The following NRXN1 variants were observed in gnomAD, a reference collection of about 807,000 sequenced individuals.
NRXN1 encodes the protein neurexin-1.
In NRXN1, 39 loss-of-function variants were observed where a neutral mutation model predicts 150.9. The observed-to-expected ratio is 0.26, with a 90% CI of 0.20 to 0.34. NRXN1 has a LOEUF of 0.34. Among genes scored for constraint, NRXN1 ranks in the 10% least tolerant of loss-of-function variants. NRXN1 has a pLI of 1.00. For synonymous variants in NRXN1, 924 were observed against 757.0 expected, an observed-to-expected ratio of 1.22 and a Z score of -3.62; for missense variants, 1,815 against 1,949.9, an observed-to-expected ratio of 0.93 and a Z score of 1.30.
rs1381711323 is a variant in NRXN1 at position 49,919,292 on chromosome 2, T to C, written c.*2652A>G. 1 of 152,202 alleles carries C rather than the reference T, an allele frequency of 6.6e-6. No individual in the cohort carries two copies. Among genetic ancestry groups the C allele is most frequent in the East Asian group, 1.9e-4 (1 of 5,184 alleles). 9.4% of individuals were successfully genotyped at this position (152,202 alleles called of 1,614,324 possible). A position where few individuals can be genotyped will look rare whatever the true frequency, so the allele number is the denominator to read the frequency against. On this transcript the variant is annotated 3_prime_UTR_variant, in exon 23 of 23. Coordinates refer to ENST00000401669, the MANE Select transcript of NRXN1 (RefSeq NM_001330078.2). ...TTCTAACTCTGTTCCTCTCTTTTCT[T>C]TTTCCATTGAGGAAAAAATAATTTT...
chr2:50,402,419 T>C (rs938629177), intron 17 of NRXN1, among the ~76,000 whole-genome samples: 2 of 152,084 alleles, frequency 1.3e-5, no homozygotes, highest in Non-Finnish European at 2.9e-5. Flanking sequence ...TTTCCAATGA[T>C]GAATATCATC....
intron 21 of NRXN1, among the ~76,000 whole-genome samples, chr2:49,950,294 C>G (rs746678157): frequency 2.6e-5 from 4 of 151,922 alleles, no homozygotes; most frequent in Non-Finnish European, 5.9e-5. Context: ...AGATCTTATT[C>G]TTGTTTCCAC....
chr2:50,204,025 G>T (rs1011451678), intron 18 of NRXN1, among the ~76,000 whole-genome samples: 11 of 151,998 alleles, frequency 7.2e-5, no homozygotes, highest in African/African-American at 2.2e-4. Context: ...AACTTTCTAT[G>T]TATACATTAT....
At position 50,091,435 on chromosome 2, in the gene NRXN1, T is replaced by G; in HGVS notation, c.3606A>C (p.Glu1202Asp). The G allele has an allele frequency of 6.2e-7, 1 of 1,614,166 alleles. No homozygotes were observed. Among genetic ancestry groups the G allele is most frequent in the East Asian group, 2.2e-5 (1 of 44,882 alleles). ...TCCCATCATTAATGATTGCATTGGA[T>G]TCTTCAATGGCGATGTCATCTGTCC... ...NVGTDDIAIEESNAIINDGKY... is the reference protein window; with the variant it reads ...NVGTDDIAIEDSNAIINDGKY... Residue 1202 changes from glutamate to aspartate, a missense_variant, in exon 19 of 23, where the codon GAA (glutamate) becomes GAC (aspartate). This residue lies in a region of NRXN1 where 339 missense variants were observed against 440.3 expected (regional missense o/e 0.77). Coordinates refer to ENST00000401669, the MANE Select transcript of NRXN1 (RefSeq NM_001330078.2).
chr2:50,769,937 T>C (rs948963669), intron 5 of NRXN1, among the ~76,000 whole-genome samples: 1 of 152,122 alleles, frequency 6.6e-6, no homozygotes, highest in Non-Finnish European at 1.5e-5. Flanking sequence ...GGAATTGTAC[T>C]GTCTGCCATG....
intron 5 of NRXN1, among the ~76,000 whole-genome samples, chr2:50,719,673 C>A (rs1287713850): frequency 6.6e-6 from 1 of 151,748 alleles, no homozygotes; most frequent in Non-Finnish European, 1.5e-5. Flanking sequence ...AAGACTCTGT[C>A]TAAAAAAAAC....
intron 2 of NRXN1, among the ~76,000 whole-genome samples, chr2:50,954,502 A>G (rs1356435067): frequency 6.6e-6 from 1 of 152,206 alleles, no homozygotes; most frequent in Non-Finnish European, 1.5e-5. Flanking sequence ...TGCAGGAATT[A>G]GGGCATAGAC....
At position 50,233,754 on chromosome 2, in the gene NRXN1, A is replaced by T. The variant is rs181247500; in HGVS notation, c.3546+3035T>A. On this transcript the variant is annotated intron_variant, in intron 18 of 22. Coordinates refer to ENST00000401669, the MANE Select transcript of NRXN1 (RefSeq NM_001330078.2). ...CACCAATTAGGTTAATTTTTAAGTC[A>T]GTTATATTCACAAACCTAAATCATA... Among the ~76,000 whole-genome samples, 242 of 152,234 alleles carry T rather than the reference A, an allele frequency of 1.6e-3. 1 individual carries two copies. Among genetic ancestry groups the T allele is most frequent in the Non-Finnish European group, 2.1e-3 (144 of 67,990 alleles).
At chr2:50,155,633 T>A (rs2058972662) in intron 18 of NRXN1, among the ~76,000 whole-genome samples, 2 of 151,582 alleles carry the variant, frequency 1.3e-5, no homozygotes, top group South Asian at 4.1e-4. Flanking sequence ...ATCCTGTTTT[T>A]TTCCACCCTG....
intron 17 of NRXN1, among the ~76,000 whole-genome samples, chr2:50,427,269 A>G (rs1337352845): frequency 6.6e-6 from 1 of 152,128 alleles, no homozygotes; most frequent in African/African-American, 2.4e-5. Flanking sequence ...AGAATAAGTT[A>G]AATTACTGGC....
chr2:50,045,517 G>T (rs1024489654), intron 21 of NRXN1, among the ~76,000 whole-genome samples: 1 of 151,914 alleles, frequency 6.6e-6, no homozygotes, highest in Admixed American at 6.6e-5. Context: ...GCTAATTTTT[G>T]TACTTTTCCT....
chr2:50,914,256 G>A (rs966790330), intron 5 of NRXN1, among the ~76,000 whole-genome samples: 1 of 151,572 alleles, frequency 6.6e-6, no homozygotes, highest in African/African-American at 2.4e-5. Flanking sequence ...GGGTGTTTAT[G>A]CCTACTTGAT....
chr2:50,365,386 A>G (rs975809445), intron 17 of NRXN1, among the ~76,000 whole-genome samples: 3 of 152,068 alleles, frequency 2.0e-5, no homozygotes, highest in Admixed American at 1.3e-4. Context: ...CTTAAATAAT[A>G]AAGGAAAATA....
In NRXN1 at chr2:50,609,074, C is replaced by T. The variant is rs531644930; in HGVS notation, c.1320+10948G>A. On this transcript the variant is annotated intron_variant, in intron 8 of 22. Transcript: ENST00000401669. ...CTTGGAGTCAATAAACAGAGGTTTC[C>T]TTCTGACTTTTTTCACATATTAGGG... Among the ~76,000 whole-genome samples the T allele has an allele frequency of 3.2e-4, 48 of 152,122 alleles. No individual in the cohort carries two copies. In the South Asian group the frequency reaches 7.5e-3, roughly 24 times the overall value.
intron 5 of NRXN1, among the ~76,000 whole-genome samples, chr2:50,654,784 T>C (rs1456826291): frequency 6.6e-6 from 1 of 152,100 alleles, no homozygotes; most frequent in Non-Finnish European, 1.5e-5. Context: ...TGGCCAGTGA[T>C]GATGAGCATT....
chr2:50,625,993 C>T (rs1680960627), intron 5 of NRXN1, among the ~76,000 whole-genome samples: 1 of 151,934 alleles, frequency 6.6e-6, no homozygotes, highest in Non-Finnish European at 1.5e-5. Flanking sequence ...CCACTGTCAA[C>T]ATTTATATTC....
chr2:50,227,906 G>A (rs981103444), intron 18 of NRXN1, among the ~76,000 whole-genome samples: 1 of 152,030 alleles, frequency 6.6e-6, no homozygotes, highest in African/African-American at 2.4e-5. Flanking sequence ...AATTAAGTTT[G>A]TTGTAAGTTT....
intron 18 of NRXN1, among the ~76,000 whole-genome samples, chr2:50,128,320 C>G (rs1704918706): frequency 6.6e-6 from 1 of 152,186 alleles, no homozygotes; most frequent in Non-Finnish European, 1.5e-5. Flanking sequence ...TTCGAACCAA[C>G]TTTTCTTGAG....
rs200722697 is a variant in NRXN1, at chr2:50,472,340, C to T, written c.3202G>A (p.Asp1068Asn). The T allele has an allele frequency of 3.1e-6, 5 of 1,611,120 alleles. No individual in the cohort carries two copies. The highest frequency in any genetic ancestry group is 2.2e-5 in the East Asian group (1 of 44,804). The change falls in exon 16 of 23, where the codon GAT becomes AAT. Residue 1068 changes from aspartate (D) to asparagine (N), a missense_variant. Around this residue, in one of 6 missense-constraint regions of NRXN1, gnomAD observed 339 missense variants for 440.3 expected, o/e 0.77. Transcript: ENST00000401669. ...LNGRLPDLIS[D>N]ALFCNGQIER... ...ATCTGTCCGTTGCAGAAAAGAGCAT[C>T]GGAGATGAGGTCCGGAAGCCGTCCA...
Sources: gnomAD v4.1 joint callset for allele counts (sites outside exome capture counted in the v4.1 genomes callset) on GRCh38, gnomAD v4.1.1 for gene constraint, gnomAD v4.1.1 regional missense constraint, MANE v1.5 for transcripts, NCBI Gene and HGNC (gene_info 2026-07-23, HGNC 2026-07-21) for gene names.